Variants in MGAM2 observed in about 807,000 individuals in gnomAD.
MGAM2 encodes maltase-glucoamylase 2 (putative).
In MGAM2, 98 loss-of-function variants were observed where a neutral mutation model predicts 96.1. The observed-to-expected ratio is 1.02, with a 90% CI of 0.87 to 1.21. The LOEUF (loss-of-function observed/expected upper bound fraction) is 1.21, where lower values mean the gene tolerates loss of function less well. Among genes scored for constraint, MGAM2 ranks in the 50% most tolerant of loss-of-function variants. The pLI is 0.00. For missense variants in MGAM2, 2,055 were observed against 1,182.4 expected (o/e 1.74, Z -10.82); for synonymous variants, 749 against 414.8 (o/e 1.81, Z -9.79).
At position 142,189,443 on chromosome 7, in the gene MGAM2, C is replaced by G. The variant is rs190163883; in HGVS notation, c.4284C>G (p.Ser1428=). 5.0e-6 allele frequency: 4 copies of G among 793,160 alleles called. No homozygotes were observed. Among genetic ancestry groups the G allele is most frequent in the Non-Finnish European group, 8.8e-6 (4 of 455,162 alleles). The allele number at this position is 793,160 out of a possible 1,614,324, so 49.1% of individuals were successfully genotyped here. Residue 1428 remains serine, a synonymous_variant, in exon 37 of 48, where the codon TCC becomes TCG. Transcript: ENST00000477922. ...MESQQILPDS[S]PVEHYNVHNL... is the part of the protein sequence containing the mutation. ...GTCAGCAGATCCTGCCGGACAGCTC[C>G]CCCGTGGAGCACTACAACGTGCACA...
At chr7:142,141,560 C>G (rs1168082973) in intron 12 of MGAM2, among the ~76,000 whole-genome samples, 3 of 152,098 alleles carry the variant, frequency 2.0e-5, no homozygotes, top group Non-Finnish European at 2.9e-5. Context: ...AGTGTAATGG[C>G]ATGATCTTGA....
At position 142,221,803 on chromosome 7, in the gene MGAM2, C is replaced by T. The variant is rs930196912; in HGVS notation, c.7292C>T (p.Thr2431Met). Reference protein sequence around the residue: ...ADNSSSVTGNTTHISVSNLTT... With the variant: ...ADNSSSVTGNMTHISVSNLTT... ...AACTCCAGCAGTGTTACAGGTAACACGACACACATTTCTGTTTCAAATCTC... is the reference window on the plus strand; with the variant it reads ...AACTCCAGCAGTGTTACAGGTAACATGACACACATTTCTGTTTCAAATCTC... The change falls in exon 48 of 48, where the codon ACG (threonine) becomes ATG (methionine). Residue 2431 changes from threonine (T) to methionine (M), a missense_variant. Physicochemically the swap from Thr to Met is moderately conservative, Grantham distance 81. Coordinates refer to ENST00000477922, the MANE Select transcript of MGAM2 (RefSeq NM_001293626.2). The T allele has an allele frequency of 6.7e-5, 27 of 400,740 alleles. No homozygotes were observed. Among genetic ancestry groups the T allele is most frequent in the East Asian group, 3.2e-4 (9 of 28,104 alleles). The allele number at this position is 400,740 out of a possible 1,614,324, so 24.8% of individuals were successfully genotyped here. A position where few individuals can be genotyped will look rare whatever the true frequency, so the allele number is the denominator to read the frequency against.
At position 142,175,636 on chromosome 7, in the gene MGAM2, C is replaced by A; in HGVS notation, c.3688-16C>A. Reference sequence around the variant, plus strand: ...CTACTGCAGGGTTCCAAGAGCCTTGCTGCTTCTTTCTGCAGGACGTCCAGC... The same window carrying A: ...CTACTGCAGGGTTCCAAGAGCCTTGATGCTTCTTTCTGCAGGACGTCCAGC... On this transcript the variant is annotated splice_polypyrimidine_tract_variant and intron_variant, in intron 31 of 47. Coordinates refer to ENST00000477922, the MANE Select transcript of MGAM2 (RefSeq NM_001293626.2). The A allele has an allele frequency of 1.4e-6, 1 of 702,064 alleles. No individual in the cohort carries two copies. 43.5% of individuals were successfully genotyped at this position (702,064 alleles called of 1,614,324 possible). A position where few individuals can be genotyped will look rare whatever the true frequency, so the allele number is the denominator to read the frequency against.
In MGAM2 at chr7:142,170,163, A is replaced by G. The variant is rs1278049816; in HGVS notation, c.3116A>G (p.Tyr1039Cys). 2 of 702,822 alleles carry G rather than the reference A, an allele frequency of 2.8e-6. No individual in the cohort carries two copies. The highest frequency in any genetic ancestry group is 3.0e-5 in the South Asian group (2 of 67,592). 43.5% of individuals were successfully genotyped at this position (702,822 alleles called of 1,614,324 possible). The change falls in exon 27 of 48, where the codon TAT becomes TGT. Residue 1039 changes from tyrosine to cysteine, a missense_variant. Physicochemically the swap from Tyr to Cys is radical, Grantham distance 194. Coordinates refer to ENST00000477922, the MANE Select transcript of MGAM2 (RefSeq NM_001293626.2). ...GTTGGTGACCCTGAAAACCGTCTGT[A>G]TGATGTCAGGATTCAGAACAATCCT... ...QPVGDPENRL[Y>C]DVRIQNNPFG...
intron 29 of MGAM2, 39 bp from the exon 30 acceptor site, chr7:142,172,613 C>G (rs764997323): frequency 3.0e-6 from 2 of 671,534 alleles, no homozygotes; most frequent in South Asian, 3.3e-5. Context: ...CAATTTACAA[C>G]TCCAAGGATG....
intron 10 of MGAM2, 89 bp downstream of exon 10, chr7:142,138,756 A>G (rs1240051561): frequency 1.3e-5 from 8 of 630,230 alleles, no homozygotes; most frequent in South Asian, 5.5e-5. Flanking sequence ...AAAAATGTAG[A>G]TAAATCATTA....
intron 1 of MGAM2, among the ~76,000 whole-genome samples, chr7:142,115,573 C>T (rs1038118476): frequency 6.6e-6 from 1 of 152,112 alleles, no homozygotes; most frequent in Non-Finnish European, 1.5e-5. Context: ...AGGCTGGGTG[C>T]TGTGGCTCAT....
chr7:142,198,582 C>G, intron 43 of MGAM2, 33 bp from the exon 44 acceptor site: 4 of 700,072 alleles, frequency 5.7e-6, no homozygotes, highest in Non-Finnish European at 2.6e-6. Flanking sequence ...ATATTTATCT[C>G]TCGCCATTTT....
In MGAM2 at chr7:142,221,645, C is replaced by A. The variant is rs937972112; in HGVS notation, c.7134C>A (p.Asp2378Glu). 1.3e-5 allele frequency: 6 copies of A among 458,930 alleles called. No individual in the cohort carries two copies. Among genetic ancestry groups the A allele is most frequent in the African/African-American group, 1.2e-4 (6 of 50,454 alleles). The allele number at this position is 458,930 out of a possible 1,614,324, so 28.4% of individuals were successfully genotyped here. A position where few individuals can be genotyped will look rare whatever the true frequency, so the allele number is the denominator to read the frequency against. ...MSPDTTVTSIDKFTTHITQFA... is the reference protein window; with the variant it reads ...MSPDTTVTSIEKFTTHITQFA... ...CAGATACAACAGTTACTTCCATAGA[C>A]AAATTCACCACACACATCACACAGT... Residue 2378 changes from aspartate to glutamate, a missense_variant, in exon 48 of 48, where the codon GAC becomes GAA. Asp to Glu is a conservative substitution (Grantham distance 45). Coordinates refer to ENST00000477922, the MANE Select transcript of MGAM2 (RefSeq NM_001293626.2).
intron 43 of MGAM2, 33 bp from the exon 44 acceptor site, chr7:142,198,582 C>T: frequency 1.4e-6 from 1 of 700,072 alleles, no homozygotes; most frequent in East Asian, 2.7e-5. Context: ...ATATTTATCT[C>T]TCGCCATTTT....
At chr7:142,137,747 T>C (rs897882610) in intron 9 of MGAM2, among the ~76,000 whole-genome samples, 2 of 152,180 alleles carry the variant, frequency 1.3e-5, no homozygotes, top group Non-Finnish European at 2.9e-5. Flanking sequence ...TGTGCAAGGC[T>C]TGAGAAATGC....
intron 7 of MGAM2, 118 bp downstream of exon 7, chr7:142,134,270 T>G: frequency 2.3e-6 from 1 of 433,760 alleles, no homozygotes; most frequent in Non-Finnish European, 4.1e-6. Flanking sequence ...GTGTTAGTGT[T>G]GAGGAATATT....
intron 14 of MGAM2, among the ~76,000 whole-genome samples, chr7:142,145,337 A>T (rs926134437): frequency 2.6e-5 from 4 of 151,980 alleles, no homozygotes; most frequent in Non-Finnish European, 4.4e-5. Flanking sequence ...TGTTTTCTTT[A>T]TTCTTTACTT....
Position 142,188,920 on chromosome 7 carries a change from G to T in MGAM2, c.4208-447G>T, listed in dbSNP as rs1048256854. On this transcript the variant is annotated intron_variant, in intron 36 of 47. Transcript: ENST00000477922. ...TTTTCAACTTGTGATGGGTTCATGGGGATATAATCACATTGTAAGTTAAGG... is the reference window on the plus strand; with the variant it reads ...TTTTCAACTTGTGATGGGTTCATGGTGATATAATCACATTGTAAGTTAAGG... 2.6e-5 allele frequency among the ~76,000 whole-genome samples: 4 copies of T among 152,136 alleles called. No individual in the cohort carries two copies. In the South Asian group the frequency reaches 6.2e-4, roughly 24 times the overall value.
intron 46 of MGAM2, among the ~76,000 whole-genome samples, chr7:142,212,891 A>G (rs1797632527): frequency 6.6e-6 from 1 of 152,196 alleles, no homozygotes; most frequent in African/African-American, 2.4e-5. Flanking sequence ...CATTCTTCTC[A>G]GCACCAATAG....
chr7:142,123,695 A>G (rs901910204), intron 3 of MGAM2, among the ~76,000 whole-genome samples: 2 of 152,026 alleles, frequency 1.3e-5, no homozygotes, highest in African/African-American at 2.4e-5. Flanking sequence ...TTTGTTAGAT[A>G]TATATCTTAG....
Position 142,137,610 on chromosome 7 carries a change from A to G in MGAM2, c.960+65A>G, listed in dbSNP as rs1385103209. On this transcript the variant is annotated intron_variant, in intron 9 of 47. Coordinates refer to ENST00000477922, the MANE Select transcript of MGAM2 (RefSeq NM_001293626.2). Reference sequence around the variant, plus strand: ...TATCTCATATACTCATTATAAATTAATAAAAGAAAAATAAAAGGTATTAGT... The same window carrying G: ...TATCTCATATACTCATTATAAATTAGTAAAAGAAAAATAAAAGGTATTAGT... 3 of 563,520 alleles carry G rather than the reference A, an allele frequency of 5.3e-6. No homozygotes were observed. In the East Asian group the frequency reaches 9.0e-5, roughly 17 times the overall value. The allele number at this position is 563,520 out of a possible 1,614,324, so 34.9% of individuals were successfully genotyped here.
intron 27 of MGAM2, 129 bp from the exon 28 acceptor site, chr7:142,171,143 A>G (rs1165795665): frequency 4.3e-6 from 3 of 691,444 alleles, no homozygotes; most frequent in Non-Finnish European, 7.9e-6. Context: ...GTCATGTCAC[A>G]GTATTTGAAC....
chr7:142,190,502 G>C (rs1438855655), intron 37 of MGAM2, among the ~76,000 whole-genome samples: 1 of 151,938 alleles, frequency 6.6e-6, no homozygotes, highest in Non-Finnish European at 1.5e-5. Context: ...TCGAGCTCCT[G>C]ACCCCAGGTG....
Sources: allele counts gnomAD v4.1 joint callset (sites outside exome capture counted in the v4.1 genomes callset), GRCh38; gene constraint gnomAD v4.1.1; transcripts MANE v1.5; gene names NCBI Gene and HGNC (gene_info 2026-07-23, HGNC 2026-07-21).